Variants in AVL9 observed in about 807,000 individuals in gnomAD.
AVL9 encodes AVL9 cell migration associated.
In AVL9, 49 loss-of-function variants were observed where a neutral mutation model predicts 79.2. That is an observed-to-expected ratio of 0.62 (90% CI 0.49 to 0.79). The LOEUF is 0.79. Ranked by LOEUF, AVL9 falls within the 30% of genes least tolerant of loss-of-function variation. The pLI, the probability that AVL9 is intolerant of heterozygous loss-of-function variation, is 0.00. For missense variants in AVL9, 682 were observed against 776.8 expected (o/e 0.88, Z 1.45); for synonymous variants, 299 against 280.6 (o/e 1.07, Z -0.65).
chr7:32,514,646 C>T (rs981629711), intron 1 of AVL9, among the ~76,000 whole-genome samples: 26 of 152,194 alleles, frequency 1.7e-4, no homozygotes, highest in Admixed American at 1.5e-3. Flanking sequence ...AATGGCCGGT[C>T]CTTGCCTTAA....
rs70992731 is a variant in AVL9, at chr7:32,566,180, A to ATCTTTTTTTTTTTTTTTTTT, written c.1216-3839_1216-3838insCTTTTTTTTTTTTTTTTTTT. Among the ~76,000 whole-genome samples the ATCTTTTTTTTTTTTTTTTTT allele has an allele frequency of 4.3e-3, 404 of 93,832 alleles. 79 individuals are homozygous for ATCTTTTTTTTTTTTTTTTTT. The highest frequency in any genetic ancestry group is 0.017 in the Middle Eastern group (2 of 120). 61.6% of individuals were successfully genotyped at this position (93,832 alleles called of 152,430 possible). A position where few individuals can be genotyped will look rare whatever the true frequency, so the allele number is the denominator to read the frequency against. ...TAAAAAAATTTTAATTATTATTATT[A>ATCTTTTTTTTTTTTTTTTTT]TTTTTTTTTTTTGGAGACAAGGTCT... On this transcript the variant is annotated intron_variant, in intron 10 of 15. Coordinates refer to ENST00000318709, the MANE Select transcript of AVL9 (RefSeq NM_015060.3).
intron 1 of AVL9, among the ~76,000 whole-genome samples, chr7:32,540,103 C>T (rs702831): frequency 0.15 from 22,767 of 152,134 alleles, 1,729 homozygotes; most frequent in East Asian, 0.19. Flanking sequence ...ATATTGTGGC[C>T]GTCTTGCTTT....
chr7:32,544,192 AC>A (rs1225889053), intron 2 of AVL9, among the ~76,000 whole-genome samples: 2 of 152,322 alleles, frequency 1.3e-5, no homozygotes, highest in African/African-American at 4.8e-5. Context: ...TCAGTTGCAA[AC>A]ATTGTGACAC....
chr7:32,539,821 C>T (rs758053464), intron 1 of AVL9, among the ~76,000 whole-genome samples: 1 of 152,154 alleles, frequency 6.6e-6, no homozygotes, highest in Non-Finnish European at 1.5e-5. Context: ...GCTGTTTCCA[C>T]CTCCTAAAGG....
At chr7:32,539,928 T>C (rs1334248801) in intron 1 of AVL9, among the ~76,000 whole-genome samples, 1 of 152,230 alleles carries the variant, frequency 6.6e-6, no homozygotes, top group Non-Finnish European at 1.5e-5. Flanking sequence ...TCTGCCTCTC[T>C]TATAAGGACT....
Position 32,584,591 on chromosome 7 carries a change from G to A in AVL9, c.*684G>A, listed in dbSNP as rs976768508. 2.6e-5 allele frequency: 4 copies of A among 152,580 alleles called. No individual in the cohort carries two copies. The highest frequency in any genetic ancestry group is 9.7e-5 in the African/African-American group (4 of 41,436). The allele number at this position is 152,580 out of a possible 1,614,324, so 9.5% of individuals were successfully genotyped here. A position where few individuals can be genotyped will look rare whatever the true frequency, so the allele number is the denominator to read the frequency against. Reference sequence around the variant, plus strand: ...CTCCTCTTTATAACTGTGCAGGTGGGTGTGCAGAGAAATAGCAGAGTGATG... The same window carrying A: ...CTCCTCTTTATAACTGTGCAGGTGGATGTGCAGAGAAATAGCAGAGTGATG... On this transcript the variant is annotated 3_prime_UTR_variant, in exon 16 of 16. Coordinates refer to ENST00000318709, the MANE Select transcript of AVL9 (RefSeq NM_015060.3).
intron 1 of AVL9, among the ~76,000 whole-genome samples, chr7:32,496,432 A>C (rs1023110015): frequency 2.0e-5 from 3 of 152,216 alleles, no homozygotes; most frequent in Non-Finnish European, 2.9e-5. Context: ...TAATCTCTCC[A>C]TATCAACCGC....
At chr7:32,576,676 T>C (rs1010692912) in intron 13 of AVL9, among the ~76,000 whole-genome samples, 22 of 152,018 alleles carry the variant, frequency 1.4e-4, no homozygotes, top group East Asian at 1.4e-3. Context: ...ATCCCAGCTA[T>C]TTGGGAGGCT....
At chr7:32,510,584 C>T (rs1787624707) in intron 1 of AVL9, among the ~76,000 whole-genome samples, 2 of 141,134 alleles carry the variant, frequency 1.4e-5, no homozygotes, top group African/African-American at 5.3e-5. Context: ...TGTGAGCCGT[C>T]AGGTCTGGTT....
intron 10 of AVL9, among the ~76,000 whole-genome samples, chr7:32,568,834 C>G (rs1790698680): frequency 1.3e-5 from 2 of 151,972 alleles, no homozygotes; most frequent in South Asian, 2.1e-4. Flanking sequence ...GAATGAGGAG[C>G]CTGGGTTGAG....
At chr7:32,499,608 T>A (rs1357829170) in intron 1 of AVL9, among the ~76,000 whole-genome samples, 1 of 152,142 alleles carries the variant, frequency 6.6e-6, no homozygotes, top group Non-Finnish European at 1.5e-5. Flanking sequence ...CTTTAAGTTC[T>A]GGGATACATG....
intron 2 of AVL9, among the ~76,000 whole-genome samples, chr7:32,544,240 C>G (rs1789361784): frequency 6.6e-6 from 1 of 152,174 alleles, no homozygotes. Flanking sequence ...GATCATTCCC[C>G]AGTGTAACTT....
chr7:32,579,044 A>G (rs180898004), intron 13 of AVL9, among the ~76,000 whole-genome samples: 18 of 151,500 alleles, frequency 1.2e-4, no homozygotes, highest in Admixed American at 9.3e-4. Flanking sequence ...CAGGAATCCA[A>G]GAAGAAGAAG....
At chr7:32,504,997 C>T (rs55764672) in intron 1 of AVL9, among the ~76,000 whole-genome samples, 28,060 of 151,796 alleles carry the variant, frequency 0.18, 2,846 homozygotes, top group South Asian at 0.31. Context: ...CCTTAGCCTC[C>T]CATGTAGCTG....
At chr7:32,505,583 T>G (rs1787377537) in intron 1 of AVL9, among the ~76,000 whole-genome samples, 1 of 152,106 alleles carries the variant, frequency 6.6e-6, no homozygotes, top group African/African-American at 2.4e-5. Context: ...AAACCCTACA[T>G]TCTTTAGTAC....
intron 10 of AVL9, chr7:32,562,724 C>G (rs1790381734): frequency 2.1e-6 from 1 of 481,108 alleles, no homozygotes; most frequent in East Asian, 1.5e-4. Context: ...ATCTAGAAAC[C>G]AGCCTGTGCA....
chr7:32,547,341 G>A lies in AVL9; in HGVS notation c.301-1506G>A, dbSNP rs17161407. ...TGCCTATGTGCACAAATAGGGAAAC[G>A]CTGCCTAAAAAATGGAGTTAGTTAT... On this transcript the variant is annotated intron_variant, in intron 3 of 15. Transcript: ENST00000318709. Among the ~76,000 whole-genome samples the A allele has an allele frequency of 3.2e-3, 485 of 152,274 alleles. 6 individuals carry two copies. Among genetic ancestry groups the A allele is most frequent in the East Asian group, 0.031 (161 of 5,184 alleles).
chr7:32,543,319 A>AT, intron 2 of AVL9, 58 bp downstream of exon 2: 10 of 1,593,206 alleles, frequency 6.3e-6, no homozygotes, highest in Non-Finnish European at 8.5e-6. Context: ...TTGCCAAGAT[A>AT]TCTTAGGTTC....
rs988900237 is a variant in AVL9, at chr7:32,527,217, A to G, written c.94-15924A>G. Among the ~76,000 whole-genome samples, 10 of 152,164 alleles carry G rather than the reference A, an allele frequency of 6.6e-5. No individual in the cohort carries two copies. In the East Asian group the frequency reaches 1.9e-3, roughly 29 times the overall value. ...TGGCACCTTTCTATCCACTTCAGCC[A>G]TAAATAATTTCCTGCTTCCTGTAGA... On this transcript the variant is annotated intron_variant, in intron 1 of 15. Transcript: ENST00000318709.
Sources: gnomAD v4.1 joint callset for allele counts (sites outside exome capture counted in the v4.1 genomes callset) on GRCh38, gnomAD v4.1.1 for gene constraint, MANE v1.5 for transcripts, NCBI Gene and HGNC (gene_info 2026-07-23, HGNC 2026-07-21) for gene names.